The following IPO11 variants were observed in gnomAD, a reference collection of about 807,000 sequenced individuals.
IPO11 encodes the protein importin-11.
IPO11 carries 66 observed loss-of-function variants against 143.2 expected under a neutral mutation model. The ratio of observed to expected loss-of-function variants is 0.46; its 90% confidence interval spans 0.38 to 0.57. IPO11 has a LOEUF of 0.57. Among genes scored for constraint, IPO11 ranks in the 20% least tolerant of loss-of-function variants. IPO11 has a pLI of 0.00. For missense variants in IPO11, 1,026 were observed against 1,141.0 expected (o/e 0.90, Z 1.45); for synonymous variants, 385 against 377.8 (o/e 1.02, Z -0.22).
chr5:62,477,096 A>T (rs1200904153), intron 9 of IPO11, among the ~76,000 whole-genome samples: 1 of 152,238 alleles, frequency 6.6e-6, no homozygotes, highest in East Asian at 1.9e-4. Context: ...AGTAGATCAA[A>T]TGTAGCAGAC....
At chr5:62,603,457 A>C (rs942006325) in intron 29 of IPO11, among the ~76,000 whole-genome samples, 4 of 143,756 alleles carry the variant, frequency 2.8e-5, no homozygotes, top group African/African-American at 7.9e-5. Flanking sequence ...TATGACAATA[A>C]TTTGTATTCA....
In IPO11 at chr5:62,627,417, C is replaced by A; in HGVS notation, c.*99C>A. The A allele has an allele frequency of 2.6e-6, 3 of 1,137,104 alleles. No individual in the cohort carries two copies. The highest frequency in any genetic ancestry group is 1.9e-5 in the South Asian group (1 of 52,848). The allele number at this position is 1,137,104 out of a possible 1,614,324, so 70.4% of individuals were successfully genotyped here. ...GCCTGCTGAGATGAAGAAATCACTT[C>A]ATGAAAATAAGCAAAGACCACACAT... On this transcript the variant is annotated 3_prime_UTR_variant, in exon 30 of 30. Coordinates refer to ENST00000325324, the MANE Select transcript of IPO11 (RefSeq NM_016338.5).
intron 28 of IPO11, among the ~76,000 whole-genome samples, chr5:62,592,367 A>G (rs1232647021): frequency 2.6e-5 from 4 of 152,142 alleles, no homozygotes; most frequent in Non-Finnish European, 4.4e-5. Flanking sequence ...TTTTGTTGAA[A>G]AATATGGATA....
chr5:62,457,930 C>G (rs553561564), intron 5 of IPO11, among the ~76,000 whole-genome samples: 1 of 152,056 alleles, frequency 6.6e-6, no homozygotes, highest in South Asian at 2.1e-4. Flanking sequence ...GGGCGGATCA[C>G]GAGGTCAGGA....
At chr5:62,608,027 C>T (rs139043927) in intron 29 of IPO11, among the ~76,000 whole-genome samples, 2 of 152,254 alleles carry the variant, frequency 1.3e-5, no homozygotes, top group African/African-American at 2.4e-5. Context: ...CCATGTTGGC[C>T]AGGCTGTTCC....
At chr5:62,486,231 C>T (rs1394288006) in intron 12 of IPO11, among the ~76,000 whole-genome samples, 1 of 152,088 alleles carries the variant, frequency 6.6e-6, no homozygotes, top group Non-Finnish European at 1.5e-5. Context: ...CCACCCGCCT[C>T]GGCCTCCCTA....
intron 10 of IPO11, 83 bp downstream of exon 10, chr5:62,483,376 A>G: frequency 3.7e-6 from 3 of 808,466 alleles, no homozygotes; most frequent in Non-Finnish European, 5.6e-6. Context: ...TTTTTAAAAA[A>G]TGTCATTTTA....
intron 16 of IPO11, among the ~76,000 whole-genome samples, chr5:62,499,569 C>CTTTTTT (rs35545041): frequency 5.0e-4 from 50 of 100,082 alleles, no homozygotes; most frequent in Non-Finnish European, 6.1e-4. Context: ...CTTACTCTAA[C>CTTTTTT]TTTTTTTTTT....
chr5:62,485,304 G>C, intron 11 of IPO11, 115 bp from the exon 12 acceptor site: 1 of 778,996 alleles, frequency 1.3e-6, no homozygotes, highest in Non-Finnish European at 2.2e-6. Context: ...CCAAGGCTTT[G>C]CTCTTAATGT....
chr5:62,468,587 T>C (rs1303751353), intron 6 of IPO11, among the ~76,000 whole-genome samples: 1 of 152,226 alleles, frequency 6.6e-6, no homozygotes, highest in Non-Finnish European at 1.5e-5. Flanking sequence ...CAGAAACTGA[T>C]ATAAGGCTGT....
intron 20 of IPO11, among the ~76,000 whole-genome samples, chr5:62,524,444 A>G (rs1471846107): frequency 6.6e-6 from 1 of 152,154 alleles, no homozygotes; most frequent in Non-Finnish European, 1.5e-5. Flanking sequence ...TTTCCAAGGA[A>G]ATTTTAAGTC....
chr5:62,474,284 A>T, intron 7 of IPO11, 132 bp from the exon 8 acceptor site: 2 of 562,416 alleles, frequency 3.6e-6, no homozygotes, highest in Middle Eastern at 4.9e-4. Flanking sequence ...TTGCTTAACT[A>T]ATTTTAACTT....
intron 24 of IPO11, among the ~76,000 whole-genome samples, chr5:62,541,152 A>G (rs1453889902): frequency 6.6e-6 from 1 of 151,864 alleles, no homozygotes; most frequent in East Asian, 1.9e-4. Context: ...TGGGCGGATC[A>G]CCTGAGGTTG....
At chr5:62,542,734 G>C (rs958825385) in intron 24 of IPO11, among the ~76,000 whole-genome samples, 2 of 152,072 alleles carry the variant, frequency 1.3e-5, no homozygotes, top group Non-Finnish European at 2.9e-5. Flanking sequence ...ATGTTATCTA[G>C]AGGAATGTAA....
intron 2 of IPO11, among the ~76,000 whole-genome samples, chr5:62,439,090 CT>C (rs1490876942): frequency 2.7e-5 from 4 of 150,630 alleles, no homozygotes; most frequent in Non-Finnish European, 5.9e-5. Flanking sequence ...TCTTGAGTAT[CT>C]TTACTCTCCT....
intron 3 of IPO11, among the ~76,000 whole-genome samples, chr5:62,445,385 A>G (rs976027290): frequency 2.6e-5 from 4 of 152,098 alleles, no homozygotes; most frequent in African/African-American, 4.8e-5. Flanking sequence ...TTAAAGGTGG[A>G]ATGTTAATTA....
rs186784431 is a variant in IPO11, at chr5:62,516,672, A to G, written c.1896+1171A>G. 4.7e-4 allele frequency among the ~76,000 whole-genome samples: 72 copies of G among 152,290 alleles called. 1 individual carries two copies. In the South Asian group the frequency reaches 8.9e-3, roughly 19 times the overall value. ...TTTCAGATAAATAGTAATGCAAAATATTTTTAATGTACATTTCCCTGCTTT... is the reference window on the plus strand; with the variant it reads ...TTTCAGATAAATAGTAATGCAAAATGTTTTTAATGTACATTTCCCTGCTTT... On this transcript the variant is annotated intron_variant, in intron 20 of 29. Coordinates refer to ENST00000325324, the MANE Select transcript of IPO11 (RefSeq NM_016338.5).
chr5:62,507,336 T>C (rs1268061405), intron 19 of IPO11, among the ~76,000 whole-genome samples: 1 of 152,240 alleles, frequency 6.6e-6, no homozygotes, highest in Non-Finnish European at 1.5e-5. Flanking sequence ...GTAATATCTG[T>C]GTGATTCTTA....
intron 27 of IPO11, among the ~76,000 whole-genome samples, chr5:62,565,786 A>G (rs1246451024): frequency 9.5e-6 from 1 of 105,160 alleles, no homozygotes; most frequent in Non-Finnish European, 2.0e-5. Flanking sequence ...CTCACCCCCT[A>G]CCCCCCCAAC....
Sources: allele counts gnomAD v4.1 joint callset (sites outside exome capture counted in the v4.1 genomes callset), GRCh38; gene constraint gnomAD v4.1.1; transcripts MANE v1.5; gene names NCBI Gene and HGNC (gene_info 2026-07-23, HGNC 2026-07-21).